Variants in PAPPA2 observed in about 807,000 individuals in gnomAD.
PAPPA2 encodes pappalysin-2.
A neutral mutation model predicts 176.4 loss-of-function variants in PAPPA2; 86 were observed. The ratio of observed to expected loss-of-function variants is 0.49; its 90% CI spans 0.41 to 0.58. PAPPA2 has a LOEUF of 0.58. PAPPA2 is among the 20% of genes least tolerant of loss of function. The pLI is 0.00. For synonymous variants in PAPPA2, 809 were observed against 852.2 expected, an observed-to-expected ratio of 0.95 and a Z score of 0.88; for missense variants, 2,073 against 2,256.9, an observed-to-expected ratio of 0.92 and a Z score of 1.65.
chr1:176,560,997 A>G (rs1431900121), intron 2 of PAPPA2, among the ~76,000 whole-genome samples: 1 of 152,172 alleles, frequency 6.6e-6, no homozygotes, highest in African/African-American at 2.4e-5. Context: ...GAGCACAAAG[A>G]TGTCTAAGAA....
intron 1 of PAPPA2, among the ~76,000 whole-genome samples, chr1:176,555,057 ACTATTGATTTTTTG>A (rs1360070629): frequency 6.6e-6 from 1 of 151,580 alleles, no homozygotes; most frequent in African/African-American, 2.4e-5. Context: ...ACTCCAAAAC[ACTATTGATTTTTTG>A]CTATTGATTG....
intron 1 of PAPPA2, among the ~76,000 whole-genome samples, chr1:176,508,703 A>G (rs1286931897): frequency 1.3e-5 from 2 of 152,138 alleles, no homozygotes; most frequent in Non-Finnish European, 2.9e-5. Context: ...ACCTCGTGGG[A>G]AATGATTGAA....
rs1163825734 is a variant in PAPPA2 at position 176,699,439 on chromosome 1, T to C, written c.3086T>C (p.Ile1029Thr). 6.2e-7 allele frequency: 1 copy of C among 1,614,034 alleles called. No homozygotes were observed. The highest frequency in any genetic ancestry group is 1.7e-5 in the Admixed American group (1 of 59,998). ...AAAGTCTACACCTTTGATGAGAGGA[T>C]AGAGATTGATGCAGCACTCCTGACT... is the stretch of plus-strand genomic sequence containing the variant. The part of the protein sequence containing the change: ...GVKVYTFDER[I>T]EIDAALLTSQ... The change falls in exon 8 of 23, where the codon ATA (isoleucine) becomes ACA (threonine). Residue 1029 changes from isoleucine to threonine, a missense_variant. Physicochemically the swap from Ile to Thr is moderately conservative, Grantham distance 89. Coordinates refer to ENST00000367662, the MANE Select transcript of PAPPA2 (RefSeq NM_020318.3).
chr1:176,600,820 G>A (rs571631620), intron 3 of PAPPA2, among the ~76,000 whole-genome samples: 91 of 152,296 alleles, frequency 6.0e-4, no homozygotes, highest in Admixed American at 7.8e-4. Flanking sequence ...TCCACTCACA[G>A]TGGAAGCACC....
chr1:176,782,683 A>G (rs1329178007), intron 17 of PAPPA2, among the ~76,000 whole-genome samples: 2 of 152,176 alleles, frequency 1.3e-5, no homozygotes, highest in Non-Finnish European at 2.9e-5. Flanking sequence ...GTTGGAGAAA[A>G]TGGAACCAGA....
intron 10 of PAPPA2, among the ~76,000 whole-genome samples, chr1:176,708,847 C>T (rs1383577699): frequency 1.3e-5 from 2 of 152,094 alleles, no homozygotes; most frequent in Non-Finnish European, 2.9e-5. Flanking sequence ...GAAATAGTAA[C>T]AGTAAATTTT....
chr1:176,668,513 C>T (rs1658795432), intron 3 of PAPPA2, among the ~76,000 whole-genome samples: 1 of 151,988 alleles, frequency 6.6e-6, no homozygotes, highest in African/African-American at 2.4e-5. Context: ...CATTTTTTTT[C>T]CTCATCCTAA....
At chr1:176,520,254 G>T (rs1649138932) in intron 1 of PAPPA2, among the ~76,000 whole-genome samples, 1 of 152,156 alleles carries the variant, frequency 6.6e-6, no homozygotes, top group Non-Finnish European at 1.5e-5. Context: ...ATACAAGGCT[G>T]GTTAGAGACT....
chr1:176,517,737 G>A (rs1010390869), intron 1 of PAPPA2, among the ~76,000 whole-genome samples: 2 of 152,112 alleles, frequency 1.3e-5, no homozygotes, highest in Non-Finnish European at 2.9e-5. Flanking sequence ...ACTCACCACC[G>A]GAAACAAGGC....
intron 2 of PAPPA2, among the ~76,000 whole-genome samples, chr1:176,566,665 C>T (rs557456951): frequency 1.4e-4 from 21 of 152,306 alleles, no homozygotes; most frequent in African/African-American, 4.1e-4. Flanking sequence ...AAGTAGGAAT[C>T]ACTTTTGGCA....
At position 176,702,611 on chromosome 1, in the gene PAPPA2, G is replaced by T; in HGVS notation, c.3241G>T (p.Val1081Phe). Residue 1081 changes from valine to phenylalanine, a missense_variant, in exon 9 of 23, where the codon GTC becomes TTC. This residue lies in a region of PAPPA2 where 846 missense variants were observed against 857.9 expected (regional missense o/e 0.99). Transcript: ENST00000367662. The part of the protein sequence containing the change: ...HSHRKFTDVE[V>F]TPGQMYQYQV... ...CAAACCCTTTGGTTTCCACAGGGAG[G>T]TCACACCTGGACAGATGTATCAGTA... is the stretch of plus-strand genomic sequence containing the variant. 1.2e-6 allele frequency: 2 copies of T among 1,614,022 alleles called. No homozygotes were observed. Among genetic ancestry groups the T allele is most frequent in the Non-Finnish European group, 1.7e-6 (2 of 1,179,954 alleles).
chr1:176,672,375 C>T (rs1254125679), intron 4 of PAPPA2, among the ~76,000 whole-genome samples: 1 of 152,084 alleles, frequency 6.6e-6, no homozygotes, highest in African/African-American at 2.4e-5. Flanking sequence ...CAAAGTTGGT[C>T]TTCCTAGTAA....
intron 8 of PAPPA2, among the ~76,000 whole-genome samples, 163 bp from the exon 9 acceptor site, chr1:176,702,444 C>T (rs1025048835): frequency 2.0e-5 from 3 of 152,198 alleles, no homozygotes; most frequent in African/African-American, 7.2e-5. Flanking sequence ...TTCTGGTGCT[C>T]GGGAAGACTG....
At chr1:176,755,926 A>G (rs546841400) in intron 14 of PAPPA2, among the ~76,000 whole-genome samples, 1 of 152,316 alleles carries the variant, frequency 6.6e-6, no homozygotes, top group East Asian at 1.9e-4. Flanking sequence ...AAATGTTATT[A>G]GGAAAATTAT....
At chr1:176,536,384 C>T (rs1250718946) in intron 1 of PAPPA2, among the ~76,000 whole-genome samples, 1 of 152,172 alleles carries the variant, frequency 6.6e-6, no homozygotes, top group Non-Finnish European at 1.5e-5. Flanking sequence ...CACAATCATG[C>T]TACATAACAA....
chr1:176,537,917 C>A (rs75925720), intron 1 of PAPPA2, among the ~76,000 whole-genome samples: 2 of 152,104 alleles, frequency 1.3e-5, no homozygotes, highest in East Asian at 1.9e-4. Context: ...TCTCATGTTT[C>A]ATGGATTCCT....
intron 21 of PAPPA2, among the ~76,000 whole-genome samples, chr1:176,820,041 G>A (rs1046961336): frequency 2.6e-5 from 4 of 152,002 alleles, no homozygotes; most frequent in East Asian, 1.9e-4. Context: ...TCCATAGGGG[G>A]TACAAATCCT....
intron 14 of PAPPA2, among the ~76,000 whole-genome samples, chr1:176,747,539 A>G (rs887550481): frequency 7.2e-5 from 11 of 152,228 alleles, no homozygotes; most frequent in African/African-American, 2.7e-4. Context: ...TTCTTAGAGA[A>G]GAAAAAAAAT....
At chr1:176,539,208 G>A (rs911323428) in intron 1 of PAPPA2, among the ~76,000 whole-genome samples, 9 of 152,138 alleles carry the variant, frequency 5.9e-5, no homozygotes, top group African/African-American at 1.2e-4. Flanking sequence ...CTCAGGAGTC[G>A]CTCCAATTTC....
Sources: allele counts gnomAD v4.1 joint callset (sites outside exome capture counted in the v4.1 genomes callset), GRCh38; gene constraint gnomAD v4.1.1; regional missense constraint gnomAD v4.1.1; transcripts MANE v1.5; gene names NCBI Gene and HGNC (gene_info 2026-07-23, HGNC 2026-07-21).